Variants in RIMS1 observed in about 807,000 individuals in gnomAD.
The protein encoded by RIMS1 is regulating synaptic membrane exocytosis protein 1.
Under a neutral mutation model 214.1 loss-of-function variants are expected in RIMS1, and 83 were observed. The observed-to-expected ratio is 0.39, with a 90% CI of 0.32 to 0.47. RIMS1 has a LOEUF of 0.47. RIMS1 is among the 20% of genes least tolerant of loss of function. RIMS1 has a pLI of 0.99. For synonymous variants in RIMS1, 793 were observed against 786.8 expected (o/e 1.01, Z -0.13); for missense variants, 2,050 against 2,161.8 (o/e 0.95, Z 1.03).
At chr6:71,912,793 A>AT (rs1777311063) in intron 1 of RIMS1, among the ~76,000 whole-genome samples, 1 of 152,208 alleles carries the variant, frequency 6.6e-6, no homozygotes, top group Non-Finnish European at 1.5e-5. Flanking sequence ...TATTAGCAAA[A>AT]TAAATAGAAT....
chr6:72,361,620 T>G (rs2746209), intron 29 of RIMS1, among the ~76,000 whole-genome samples: 120,614 of 152,096 alleles, frequency 0.79, 48,573 homozygotes, highest in African/African-American at 0.95. Flanking sequence ...TAAGAGTAAT[T>G]ATAAATACCG....
chr6:72,337,967 C>A (rs2096904947), intron 29 of RIMS1, among the ~76,000 whole-genome samples: 1 of 151,732 alleles, frequency 6.6e-6, no homozygotes, highest in Admixed American at 6.6e-5. Flanking sequence ...ATATGTGCCA[C>A]ATTTCCTTAA....
intron 4 of RIMS1, among the ~76,000 whole-genome samples, chr6:72,178,052 A>G (rs758070086): frequency 2.0e-5 from 3 of 152,238 alleles, no homozygotes; most frequent in Non-Finnish European, 4.4e-5. Context: ...AATATTGGTT[A>G]TAATACTTTG....
intron 2 of RIMS1, among the ~76,000 whole-genome samples, chr6:71,978,143 G>C (rs531517508): frequency 2.0e-5 from 3 of 152,126 alleles, no homozygotes; most frequent in Admixed American, 6.6e-5. Flanking sequence ...GGCTCTAATC[G>C]TATGTCTAAT....
intron 4 of RIMS1, among the ~76,000 whole-genome samples, chr6:72,176,239 T>C (rs1277205912): frequency 6.6e-6 from 1 of 152,218 alleles, no homozygotes; most frequent in African/African-American, 2.4e-5. Context: ...GTTTGTGTGC[T>C]TTAAATAAAT....
At chr6:72,377,967 C>T (rs984652504) in intron 29 of RIMS1, among the ~76,000 whole-genome samples, 1 of 152,184 alleles carries the variant, frequency 6.6e-6, no homozygotes, top group Non-Finnish European at 1.5e-5. Context: ...AGTATACTTA[C>T]ACATGCTGTC....
intron 26 of RIMS1, among the ~76,000 whole-genome samples, chr6:72,293,895 T>C (rs2093747737): frequency 6.6e-6 from 1 of 151,790 alleles, no homozygotes; most frequent in Admixed American, 6.6e-5. Context: ...ACTACATTGG[T>C]GGAGTTACTT....
intron 2 of RIMS1, among the ~76,000 whole-genome samples, chr6:72,066,297 A>G (rs114250745): frequency 0.014 from 2,133 of 152,306 alleles, 57 homozygotes; most frequent in African/African-American, 0.047. Context: ...GATTGGACCT[A>G]TTATGTACCT....
intron 29 of RIMS1, 96 bp from the exon 30 acceptor site, chr6:72,390,502 T>C: frequency 1.6e-6 from 2 of 1,278,522 alleles, no homozygotes; most frequent in Non-Finnish European, 2.2e-6. Context: ...TTTGTAATTA[T>C]GTGTAAAATT....
intron 2 of RIMS1, among the ~76,000 whole-genome samples, chr6:72,014,216 T>C (rs1367455522): frequency 1.3e-5 from 2 of 152,184 alleles, no homozygotes; most frequent in African/African-American, 4.8e-5. Context: ...GGAAGCCCCT[T>C]ATAAAACCAT....
At chr6:71,910,980 G>A (rs936203003) in intron 1 of RIMS1, among the ~76,000 whole-genome samples, 1 of 152,090 alleles carries the variant, frequency 6.6e-6, no homozygotes, top group Non-Finnish European at 1.5e-5. Flanking sequence ...TTAAAGCTGT[G>A]CCAGGGTGAA....
chr6:72,007,257 G>C (rs975013449), intron 2 of RIMS1, among the ~76,000 whole-genome samples: 1 of 152,328 alleles, frequency 6.6e-6, no homozygotes, highest in Non-Finnish European at 1.5e-5. Flanking sequence ...ACCTGCACCT[G>C]AGGGTTCTGA....
At chr6:72,225,436 T>G (rs577354170) in intron 6 of RIMS1, among the ~76,000 whole-genome samples, 13 of 152,292 alleles carry the variant, frequency 8.5e-5, no homozygotes, top group Admixed American at 2.0e-4. Context: ...GATTTGACAT[T>G]CAGAATATTA....
At chr6:72,395,365 A>G (rs1489637311) in intron 31 of RIMS1, among the ~76,000 whole-genome samples, 1 of 152,090 alleles carries the variant, frequency 6.6e-6, no homozygotes, top group Non-Finnish European at 1.5e-5. Context: ...CAATTTCAGG[A>G]CATCATCTCA....
intron 4 of RIMS1, among the ~76,000 whole-genome samples, chr6:72,151,729 GGCA>G (rs1229128656): frequency 6.6e-6 from 1 of 152,042 alleles, no homozygotes; most frequent in Non-Finnish European, 1.5e-5. Context: ...GTCATTTCAG[GGCA>G]GTACATTTTA....
At chr6:71,993,248 G>C (rs530974039) in intron 2 of RIMS1, among the ~76,000 whole-genome samples, 1 of 152,282 alleles carries the variant, frequency 6.6e-6, no homozygotes, top group African/African-American at 2.4e-5. Context: ...TTTGTCTACA[G>C]GTCCCAGACA....
At chr6:72,013,680 G>A (rs972653477) in intron 2 of RIMS1, among the ~76,000 whole-genome samples, 3 of 152,132 alleles carry the variant, frequency 2.0e-5, no homozygotes, top group African/African-American at 7.2e-5. Flanking sequence ...GCTAGATTTA[G>A]GAAAGCTTAA....
At chr6:72,169,967 A>T (rs1181556136) in intron 4 of RIMS1, among the ~76,000 whole-genome samples, 1 of 152,148 alleles carries the variant, frequency 6.6e-6, no homozygotes, top group Non-Finnish European at 1.5e-5. Flanking sequence ...ATGGCTCGTC[A>T]TTACTCATCA....
intron 2 of RIMS1, among the ~76,000 whole-genome samples, chr6:72,085,058 G>T (rs772188527): frequency 6.6e-6 from 1 of 152,014 alleles, no homozygotes; most frequent in Non-Finnish European, 1.5e-5. Flanking sequence ...ATCTCCTGCT[G>T]ATTGTACTAA....
Sources: allele counts gnomAD v4.1 joint callset (sites outside exome capture counted in the v4.1 genomes callset), GRCh38; gene constraint gnomAD v4.1.1; transcripts MANE v1.5; gene names NCBI Gene and HGNC (gene_info 2026-07-23, HGNC 2026-07-21).